MCTP1: variants seen among roughly 807,000 people sequenced by gnomAD.
The protein encoded by MCTP1 is multiple C2 and transmembrane domain-containing protein 1.
MCTP1 carries 69 observed loss-of-function variants against 120.6 expected under a neutral mutation model. The observed-to-expected ratio is 0.57, with a 90% CI of 0.47 to 0.70. The LOEUF (loss-of-function observed/expected upper bound fraction) is 0.70, where lower values mean the gene tolerates loss of function less well. MCTP1 is among the 30% of genes least tolerant of loss of function. The pLI is 0.00. For missense variants in MCTP1, 1,203 were observed against 1,248.8 expected, an observed-to-expected ratio of 0.96 and a Z score of 0.55; for synonymous variants, 529 against 493.1, an observed-to-expected ratio of 1.07 and a Z score of -0.96.
intron 1 of MCTP1, among the ~76,000 whole-genome samples, chr5:95,125,159 AAGTT>A (rs1377086814): frequency 6.6e-6 from 1 of 152,192 alleles, no homozygotes; most frequent in Non-Finnish European, 1.5e-5. Flanking sequence ...AATTATTAGA[AAGTT>A]AGTCCATTGT....
intron 1 of MCTP1, among the ~76,000 whole-genome samples, chr5:95,063,573 A>G (rs2152122140): frequency 6.6e-6 from 1 of 152,294 alleles, no homozygotes; most frequent in East Asian, 1.9e-4. Context: ...ATAGAAAAGG[A>G]TTGTTTGATG....
Position 94,947,577 on chromosome 5 carries a change from T to TATATATATATATATATAG in MCTP1, c.982-5151_982-5150insCTATATATATATATATAT. Among the ~76,000 whole-genome samples the TATATATATATATATATAG allele has an allele frequency of 1.5e-3, 70 of 47,376 alleles. 1 individual carries two copies. The highest frequency in any genetic ancestry group is 1.8e-3 in the Non-Finnish European group (45 of 25,002). 31.1% of individuals were successfully genotyped at this position (47,376 alleles called of 152,430 possible). A position where few individuals can be genotyped will look rare whatever the true frequency, so the allele number is the denominator to read the frequency against. ...CTAAATATATATATATATATATATATAGAGAGAGAGAGAGAGAGAGAGAGA... is the reference window on the plus strand; with the variant it reads ...CTAAATATATATATATATATATATATATATATATATATATATAGAGAGAGAGAGAGAGAGAGAGAGAGA... On this transcript the variant is annotated intron_variant, in intron 3 of 22. Transcript: ENST00000515393.
chr5:94,928,200 C>G (rs995958152), intron 6 of MCTP1, among the ~76,000 whole-genome samples: 2 of 105,086 alleles, frequency 1.9e-5, no homozygotes, highest in Admixed American at 2.1e-4. Context: ...ATTCATTATT[C>G]TAGGTTAAAA....
chr5:95,207,995 G>T (rs1057066857), intron 1 of MCTP1, among the ~76,000 whole-genome samples: 1 of 148,426 alleles, frequency 6.7e-6, no homozygotes, highest in Admixed American at 6.7e-5. Flanking sequence ...GAGAGAAAGA[G>T]AGGGAGAGAG....
intron 1 of MCTP1, among the ~76,000 whole-genome samples, chr5:95,246,700 C>T (rs1756830938): frequency 6.6e-6 from 1 of 152,162 alleles, no homozygotes; most frequent in Non-Finnish European, 1.5e-5. Context: ...TAGACTCCCA[C>T]ACAATAATAA....
At chr5:94,982,913 A>AAAAAAAAAAAAAAAAAATG (rs1829747097) in intron 2 of MCTP1, among the ~76,000 whole-genome samples, 1 of 142,318 alleles carries the variant, frequency 7.0e-6, no homozygotes, top group Non-Finnish European at 1.5e-5. Flanking sequence ...AAAAAAAAAA[A>AAAAAAAAAAAAAAAAAATG]GATGGTCAGG....
chr5:94,797,088 G>C (rs1780257329), intron 18 of MCTP1, among the ~76,000 whole-genome samples: 2 of 152,110 alleles, frequency 1.3e-5, no homozygotes, highest in Non-Finnish European at 2.9e-5. Context: ...AAAATTATAT[G>C]ATATGCAATT....
intron 17 of MCTP1, among the ~76,000 whole-genome samples, chr5:94,804,684 C>T (rs926061724): frequency 5.3e-5 from 8 of 152,202 alleles, no homozygotes; most frequent in African/African-American, 1.2e-4. Context: ...GTGATCTGCC[C>T]GCCTCGGCCT....
intron 20 of MCTP1, among the ~76,000 whole-genome samples, chr5:94,714,178 ATTTAT>A (rs1469755859): frequency 1.3e-5 from 2 of 152,118 alleles, no homozygotes; most frequent in African/African-American, 2.4e-5. Flanking sequence ...GTGAAGCTAT[ATTTAT>A]TTTATTTTAA....
intron 19 of MCTP1, among the ~76,000 whole-genome samples, chr5:94,735,343 G>C (rs1433157498): frequency 6.6e-6 from 1 of 151,908 alleles, no homozygotes; most frequent in African/African-American, 2.4e-5. Flanking sequence ...TTGTTTTTGA[G>C]ACAGGGTCTC....
At chr5:95,095,442 G>C (rs552978815) in intron 1 of MCTP1, among the ~76,000 whole-genome samples, 1 of 152,336 alleles carries the variant, frequency 6.6e-6, no homozygotes, top group East Asian at 1.9e-4. Flanking sequence ...TAGCAAAGAA[G>C]TGAACAACAA....
intron 19 of MCTP1, among the ~76,000 whole-genome samples, chr5:94,731,558 G>A (rs950089743): frequency 3.3e-5 from 5 of 152,206 alleles, no homozygotes; most frequent in African/African-American, 7.2e-5. Context: ...ATACACAAAC[G>A]TTTAAATGCC....
At chr5:95,075,064 G>C (rs955020170) in intron 1 of MCTP1, among the ~76,000 whole-genome samples, 1 of 152,130 alleles carries the variant, frequency 6.6e-6, no homozygotes, top group African/African-American at 2.4e-5. Flanking sequence ...TGATCTCTAA[G>C]GCACCTTGTA....
intron 1 of MCTP1, among the ~76,000 whole-genome samples, chr5:95,033,243 G>A (rs1840618811): frequency 6.6e-6 from 1 of 152,012 alleles, no homozygotes. Flanking sequence ...GTGTCATCCT[G>A]ATACCAAAAT....
chr5:95,019,480 C>T (rs914690915), intron 1 of MCTP1, among the ~76,000 whole-genome samples: 2 of 152,062 alleles, frequency 1.3e-5, no homozygotes, highest in African/African-American at 4.8e-5. Context: ...TATTTTTTCC[C>T]AGTGTAGGAA....
At chr5:94,805,621 C>G (rs1782110061) in intron 17 of MCTP1, among the ~76,000 whole-genome samples, 1 of 151,936 alleles carries the variant, frequency 6.6e-6, no homozygotes, top group Non-Finnish European at 1.5e-5. Context: ...GAGCAAGACC[C>G]TGTCTCAAAA....
At position 94,947,311 on chromosome 5, in the gene MCTP1, T is replaced by C. The variant is rs1334954516; in HGVS notation, c.982-4884A>G. ...TGGCCCTTCCATGTCTACCCTTTCC[T>C]ATTGCAGTTCACTGTCCGTGCCTAA... is the stretch of plus-strand genomic sequence containing the variant. On this transcript the variant is annotated intron_variant, in intron 3 of 22. Coordinates refer to ENST00000515393, the MANE Select transcript of MCTP1 (RefSeq NM_024717.7). Among the ~76,000 whole-genome samples, 3 of 152,092 alleles carry C rather than the reference T, an allele frequency of 2.0e-5. No homozygotes were observed. In the South Asian group the frequency reaches 6.2e-4, roughly 32 times the overall value.
intron 2 of MCTP1, among the ~76,000 whole-genome samples, chr5:94,954,000 G>A (rs1821564240): frequency 7.5e-5 from 3 of 40,066 alleles, no homozygotes; most frequent in Non-Finnish European, 1.3e-4. Flanking sequence ...ATATATATAT[G>A]CATATATATA....
Position 95,284,142 on chromosome 5 carries a change from C to T in MCTP1, c.434G>A (p.Gly145Glu). ...GGGGGAGCGTCCGCCAGGAGGCGTC[C>T]CTCCCGCTGCTCCCGAGGCCGCCGC... ...GPAAASGAAG[G>E]TPPGGRSPDS... Residue 145 changes from glycine (G) to glutamate (E), a missense_variant, in exon 1 of 23, where the codon GGG becomes GAG. Coordinates refer to ENST00000515393, the MANE Select transcript of MCTP1 (RefSeq NM_024717.7). The surrounding 1 kb of genome is among the most constrained non-coding windows in gnomAD (Gnocchi z 5.2). 3 of 1,555,760 alleles carry T rather than the reference C, an allele frequency of 1.9e-6. No homozygotes were observed. The highest frequency in any genetic ancestry group is 2.6e-6 in the Non-Finnish European group (3 of 1,150,360).
Sources: allele counts gnomAD v4.1 joint callset (sites outside exome capture counted in the v4.1 genomes callset), GRCh38; gene constraint gnomAD v4.1.1; non-coding constraint Gnocchi (gnomAD v3.1); transcripts MANE v1.5; gene names NCBI Gene and HGNC (gene_info 2026-07-23, HGNC 2026-07-21).